LATS1: variants seen among roughly 807,000 people sequenced by gnomAD.
The protein encoded by LATS1 is serine/threonine-protein kinase LATS1.
A neutral mutation model predicts 106.6 loss-of-function variants in LATS1; 25 were observed. That is an observed-to-expected ratio of 0.23 (90% CI 0.17 to 0.33). The LOEUF (loss-of-function observed/expected upper bound fraction) is 0.33. Among genes scored for constraint, LATS1 ranks in the 10% least tolerant of loss-of-function variants. LATS1 has a pLI of 1.00. For missense variants in LATS1, 1,040 were observed against 1,382.6 expected, an observed-to-expected ratio of 0.75 and a Z score of 3.93; for synonymous variants, 465 against 455.6, an observed-to-expected ratio of 1.02 and a Z score of -0.26.
intron 3 of LATS1, among the ~76,000 whole-genome samples, chr6:149,686,889 C>T (rs896313673): frequency 4.6e-5 from 7 of 152,144 alleles, no homozygotes; most frequent in Non-Finnish European, 5.9e-5. Context: ...TTCTTGACGT[C>T]CCCTCTTCCA....
At chr6:149,663,722 AT>A (rs1010103533) in intron 7 of LATS1, among the ~76,000 whole-genome samples, 15 of 152,172 alleles carry the variant, frequency 9.9e-5, no homozygotes, top group African/African-American at 1.4e-4. Flanking sequence ...GAAAAAAAAA[AT>A]GATACAGTTA....
rs1367403314 is a variant in LATS1 at position 149,684,737 on chromosome 6, CTCTTG to C, written c.497-150_497-146del. 9 of 604,300 alleles carry C rather than the reference CTCTTG, an allele frequency of 1.5e-5. No homozygotes were observed. In the Admixed American group the frequency reaches 2.8e-4, roughly 19 times the overall value. The allele number at this position is 604,300 out of a possible 1,614,324, so 37.4% of individuals were successfully genotyped here. A position where few individuals can be genotyped will look rare whatever the true frequency, so the allele number is the denominator to read the frequency against. On this transcript the variant is annotated intron_variant, in intron 3 of 7. Transcript: ENST00000543571. ...AAAAATATAAAAAAGTTCAAGTGAT[CTCTTG>C]TACAAAATGGTGACTGTAGTTAATA...
chr6:149,669,871 G>C (rs756152912), intron 7 of LATS1, among the ~76,000 whole-genome samples: 2 of 151,762 alleles, frequency 1.3e-5, no homozygotes, highest in Non-Finnish European at 2.9e-5. Flanking sequence ...ATAAATTCTA[G>C]GTAGATAGTG....
chr6:149,672,694 C>T (rs1781504099), intron 7 of LATS1, among the ~76,000 whole-genome samples: 3 of 151,808 alleles, frequency 2.0e-5, no homozygotes, highest in East Asian at 1.9e-4. Context: ...GCCTGTAATC[C>T]CAGCACTTTG....
intron 3 of LATS1, among the ~76,000 whole-genome samples, chr6:149,692,751 C>T (rs576620994): frequency 2.3e-4 from 35 of 151,540 alleles, no homozygotes; most frequent in African/African-American, 6.5e-4. Flanking sequence ...CTCAGCTTAC[C>T]GAAACCTCCG....
intron 1 of LATS1, among the ~76,000 whole-genome samples, chr6:149,716,940 A>T (rs1257292690): frequency 6.6e-6 from 1 of 152,202 alleles, no homozygotes; most frequent in African/African-American, 2.4e-5. Flanking sequence ...AGTTTATCAG[A>T]AACTTCTGAT....
intron 1 of LATS1, among the ~76,000 whole-genome samples, chr6:149,713,920 G>T (rs1784245827): frequency 1.3e-5 from 2 of 150,724 alleles, no homozygotes; most frequent in Admixed American, 6.6e-5. Flanking sequence ...TCGGCCTCCC[G>T]AAGTGCTGGG....
chr6:149,708,464 G>A (rs1783907741), intron 1 of LATS1, among the ~76,000 whole-genome samples: 1 of 151,488 alleles, frequency 6.6e-6, no homozygotes, highest in Admixed American at 6.6e-5. Flanking sequence ...TAAATCTTCT[G>A]ATCTCAAAAA....
intron 7 of LATS1, among the ~76,000 whole-genome samples, chr6:149,667,662 C>T (rs538103902): frequency 6.6e-6 from 1 of 152,032 alleles, no homozygotes; most frequent in Non-Finnish European, 1.5e-5. Flanking sequence ...TGAACACACC[C>T]CAAATTTGAT....
chr6:149,670,289 A>G (rs1242857272), intron 7 of LATS1, among the ~76,000 whole-genome samples: 2 of 151,816 alleles, frequency 1.3e-5, no homozygotes, highest in African/African-American at 4.9e-5. Flanking sequence ...GATAATAGTA[A>G]AAACCACAGT....
At chr6:149,711,119 C>G (rs1365440037) in intron 1 of LATS1, among the ~76,000 whole-genome samples, 4 of 151,974 alleles carry the variant, frequency 2.6e-5, no homozygotes, top group African/African-American at 9.7e-5. Context: ...AATAGACGCT[C>G]TTAAATCTTT....
At chr6:149,700,203 T>C (rs1783373329) in intron 2 of LATS1, among the ~76,000 whole-genome samples, 1 of 152,160 alleles carries the variant, frequency 6.6e-6, no homozygotes, top group South Asian at 2.1e-4. Flanking sequence ...CAGCTGGGTG[T>C]GGTGGCTCAT....
intron 5 of LATS1, among the ~76,000 whole-genome samples, chr6:149,677,278 A>G (rs1432722509): frequency 6.6e-6 from 1 of 152,240 alleles, no homozygotes; most frequent in Non-Finnish European, 1.5e-5. Context: ...AGGTGACTTC[A>G]GCTAAACCGT....
At chr6:149,696,677 C>T (rs941640301) in intron 2 of LATS1, among the ~76,000 whole-genome samples, 7 of 150,104 alleles carry the variant, frequency 4.7e-5, no homozygotes, top group East Asian at 4.0e-4. Flanking sequence ...TTAGAGATTA[C>T]GTTTTCAGAG....
intron 7 of LATS1, among the ~76,000 whole-genome samples, chr6:149,663,036 C>G (rs1780958965): frequency 6.6e-6 from 1 of 151,538 alleles, no homozygotes. Flanking sequence ...AAAGGAATGC[C>G]AAGTGAAGCC....
At chr6:149,693,567 G>A (rs144294206) in intron 3 of LATS1, among the ~76,000 whole-genome samples, 1,529 of 151,724 alleles carry the variant, frequency 0.01, 27 homozygotes, top group African/African-American at 0.035. Flanking sequence ...CCAAGATTGC[G>A]CCACTGCACT....
intron 5 of LATS1, 87 bp from the exon 6 acceptor site, chr6:149,676,824 G>T: frequency 8.4e-7 from 1 of 1,191,540 alleles, no homozygotes. Flanking sequence ...CGTGGTTTAG[G>T]GTTAACAACA....
intron 3 of LATS1, among the ~76,000 whole-genome samples, chr6:149,692,836 A>C (rs1395116328): frequency 6.6e-6 from 1 of 151,892 alleles, no homozygotes; most frequent in Non-Finnish European, 1.5e-5. Context: ...CACCACACCC[A>C]GCTAATTTTG....
intron 1 of LATS1, among the ~76,000 whole-genome samples, chr6:149,707,276 A>T (rs1362391440): frequency 6.6e-6 from 1 of 152,016 alleles, no homozygotes; most frequent in African/African-American, 2.4e-5. Context: ...GGCCTCCCAA[A>T]GTGCTGGGAT....
Sources: gnomAD v4.1 joint callset for allele counts (sites outside exome capture counted in the v4.1 genomes callset) on GRCh38, gnomAD v4.1.1 for gene constraint, MANE v1.5 for transcripts, NCBI Gene and HGNC (gene_info 2026-07-23, HGNC 2026-07-21) for gene names.